The following CSMD1 variants were observed in gnomAD, a reference collection of about 807,000 sequenced individuals.
CSMD1 encodes the protein CUB and sushi domain-containing protein 1.
A neutral mutation model predicts 417.5 loss-of-function variants in CSMD1; 213 were observed. The observed-to-expected ratio is 0.51, with a 90% confidence interval of 0.46 to 0.57. The LOEUF (loss-of-function observed/expected upper bound fraction) is 0.57. Ranked by LOEUF, CSMD1 falls within the 20% of genes least tolerant of loss-of-function variation. CSMD1 has a pLI of 0.00. For synonymous variants in CSMD1, 2,862 were observed against 1,736.8 expected, an observed-to-expected ratio of 1.65 and a Z score of -16.11; for missense variants, 6,923 against 4,529.7, an observed-to-expected ratio of 1.53 and a Z score of -15.17.
intron 8 of CSMD1, among the ~76,000 whole-genome samples, chr8:3,603,274 G>C (rs1268933152): frequency 6.6e-6 from 1 of 152,092 alleles, no homozygotes; most frequent in Non-Finnish European, 1.5e-5. Context: ...TCCTTCAAAA[G>C]CTACCTGCCT....
At chr8:3,574,395 C>A (rs979341996) in intron 10 of CSMD1, among the ~76,000 whole-genome samples, 1 of 152,112 alleles carries the variant, frequency 6.6e-6, no homozygotes, top group African/African-American at 2.4e-5. Flanking sequence ...TGCCTGCCAC[C>A]AAGCCCAGCT....
At chr8:4,596,592 A>G (rs1246497920) in intron 2 of CSMD1, among the ~76,000 whole-genome samples, 1 of 152,202 alleles carries the variant, frequency 6.6e-6, no homozygotes, top group African/African-American at 2.4e-5. Flanking sequence ...TGAAGTGCAT[A>G]TATTCTTCCT....
At chr8:3,199,253 C>A (rs182865044) in intron 33 of CSMD1, among the ~76,000 whole-genome samples, 1 of 151,912 alleles carries the variant, frequency 6.6e-6, no homozygotes, top group Non-Finnish European at 1.5e-5. Flanking sequence ...GAGATGCATG[C>A]GTGATATTTT....
chr8:3,826,281 C>A (rs1325193384), intron 5 of CSMD1, among the ~76,000 whole-genome samples: 1 of 152,060 alleles, frequency 6.6e-6, no homozygotes, highest in Non-Finnish European at 1.5e-5. Flanking sequence ...AAATACCACC[C>A]AGGGTAATGA....
intron 1 of CSMD1, among the ~76,000 whole-genome samples, chr8:4,977,673 T>C (rs557822861): frequency 8.5e-5 from 13 of 152,194 alleles, no homozygotes; most frequent in Non-Finnish European, 1.6e-4. Flanking sequence ...CTAGTTGACA[T>C]AATTGTTAAG....
chr8:4,980,033 T>A (rs1337820966), intron 1 of CSMD1, among the ~76,000 whole-genome samples: 2 of 152,106 alleles, frequency 1.3e-5, no homozygotes, highest in African/African-American at 4.8e-5. Context: ...TGAGACTCCA[T>A]CCCAAAAAAT....
chr8:4,878,675 G>A (rs1321677967), intron 1 of CSMD1, among the ~76,000 whole-genome samples: 1 of 151,718 alleles, frequency 6.6e-6, no homozygotes, highest in Non-Finnish European at 1.5e-5. Flanking sequence ...AAATGTGTAG[G>A]GTCTTATATT....
At chr8:3,602,342 A>T (rs376090414) in intron 8 of CSMD1, among the ~76,000 whole-genome samples, 1 of 152,138 alleles carries the variant, frequency 6.6e-6, no homozygotes, top group East Asian at 1.9e-4. Context: ...TCTTTCCTTC[A>T]ACAAATTTCC....
intron 3 of CSMD1, among the ~76,000 whole-genome samples, chr8:4,294,172 A>G (rs1412713979): frequency 3.3e-5 from 5 of 152,214 alleles, no homozygotes; most frequent in African/African-American, 9.6e-5. Context: ...GTAAGATGCC[A>G]TCAGCAGCAA....
chr8:3,976,668 C>G (rs994975278), intron 5 of CSMD1, among the ~76,000 whole-genome samples: 1 of 152,164 alleles, frequency 6.6e-6, no homozygotes, highest in Non-Finnish European at 1.5e-5. Flanking sequence ...AGCTTTCTTG[C>G]GCATTCCCTA....
chr8:4,659,438 G>T (rs1458810545), intron 1 of CSMD1, among the ~76,000 whole-genome samples: 3 of 152,142 alleles, frequency 2.0e-5, no homozygotes, highest in Admixed American at 6.6e-5. Context: ...ACATAGACTT[G>T]CAGTGGAATA....
intron 5 of CSMD1, among the ~76,000 whole-genome samples, chr8:3,966,912 T>C (rs904632724): frequency 1.8e-4 from 28 of 152,360 alleles, no homozygotes; most frequent in Admixed American, 1.2e-3. Flanking sequence ...TGAATGCCGA[T>C]GAATTAAAAG....
At chr8:3,582,734 G>C (rs973589361) in intron 9 of CSMD1, among the ~76,000 whole-genome samples, 2 of 152,122 alleles carry the variant, frequency 1.3e-5, no homozygotes, top group Non-Finnish European at 2.9e-5. Context: ...TATCATATTT[G>C]TATTAACTAT....
At chr8:4,031,184 T>C (rs1312349143) in intron 4 of CSMD1, among the ~76,000 whole-genome samples, 2 of 152,210 alleles carry the variant, frequency 1.3e-5, no homozygotes, top group Admixed American at 6.5e-5. Flanking sequence ...TTTTGGTATC[T>C]TTTCAGGAGT....
chr8:4,460,132 TATTTAAA>T (rs1336751045), intron 2 of CSMD1, among the ~76,000 whole-genome samples: 7 of 152,222 alleles, frequency 4.6e-5, no homozygotes, highest in African/African-American at 1.4e-4. Context: ...ACTTTCAGTT[TATTTAAA>T]ATGAGTGAAA....
chr8:3,110,829 T>C (rs1465555086), intron 42 of CSMD1, among the ~76,000 whole-genome samples: 2 of 152,210 alleles, frequency 1.3e-5, no homozygotes, highest in African/African-American at 2.4e-5. Context: ...AGAAGTAAGA[T>C]AATGCAATGT....
chr8:4,306,414 C>G (rs897457377), intron 3 of CSMD1, among the ~76,000 whole-genome samples: 3 of 151,628 alleles, frequency 2.0e-5, no homozygotes, highest in Non-Finnish European at 4.4e-5. Context: ...CAAAAAAATA[C>G]AGTATCATCG....
intron 25 of CSMD1, among the ~76,000 whole-genome samples, chr8:3,285,201 C>T (rs982354617): frequency 1.3e-5 from 2 of 152,078 alleles, no homozygotes; most frequent in Non-Finnish European, 2.9e-5. Flanking sequence ...AAAAAACTAC[C>T]CACGAGTCTC....
At chr8:4,739,610 A>G (rs1185487044) in intron 1 of CSMD1, among the ~76,000 whole-genome samples, 2 of 152,182 alleles carry the variant, frequency 1.3e-5, no homozygotes, top group Non-Finnish European at 2.9e-5. Flanking sequence ...CGAGAAACCC[A>G]CATGCTCAGT....
Sources: allele counts gnomAD v4.1 joint callset (sites outside exome capture counted in the v4.1 genomes callset), GRCh38; gene constraint gnomAD v4.1.1; transcripts MANE v1.5; gene names NCBI Gene and HGNC (gene_info 2026-07-23, HGNC 2026-07-21).